CEP162: variants seen among roughly 807,000 people sequenced by gnomAD.
The protein encoded by CEP162 is centrosomal protein 162.
In CEP162, 141 loss-of-function variants were observed where a neutral mutation model predicts 169.2. The observed-to-expected ratio is 0.83, with a 90% CI of 0.73 to 0.96. The LOEUF (loss-of-function observed/expected upper bound fraction) is 0.96. Among genes scored for constraint, CEP162 ranks in the 40% least tolerant of loss-of-function variants. CEP162 has a pLI of 0.00. For missense variants in CEP162, 1,600 were observed against 1,587.2 expected, an observed-to-expected ratio of 1.01 and a Z score of -0.14; for synonymous variants, 540 against 526.4, an observed-to-expected ratio of 1.03 and a Z score of -0.35.
chr6:84,195,745 T>C (rs2099541880), intron 9 of CEP162, among the ~76,000 whole-genome samples: 2 of 152,358 alleles, frequency 1.3e-5, no homozygotes, highest in Non-Finnish European at 2.9e-5. Context: ...TTGCGGTCTA[T>C]AGTTCATTTC....
At chr6:84,150,765 GGACTTAAGAA>G (rs1422713380) in intron 23 of CEP162, among the ~76,000 whole-genome samples, 1 of 152,102 alleles carries the variant, frequency 6.6e-6, no homozygotes, top group African/African-American at 2.4e-5. Flanking sequence ...ATAATATTCA[GGACTTAAGAA>G]ACAAGCTTTC....
chr6:84,226,087 T>C (rs796749430), intron 2 of CEP162, among the ~76,000 whole-genome samples: 11 of 152,126 alleles, frequency 7.2e-5, no homozygotes, highest in African/African-American at 2.2e-4. Flanking sequence ...ATAGAGTCTT[T>C]TACTGGGGAG....
At chr6:84,131,184 C>T (rs545649443) in intron 25 of CEP162, among the ~76,000 whole-genome samples, 1 of 152,250 alleles carries the variant, frequency 6.6e-6, no homozygotes, top group African/African-American at 2.4e-5. Context: ...TTTTTTAATC[C>T]TGAGTTCCAA....
intron 23 of CEP162, among the ~76,000 whole-genome samples, chr6:84,151,204 C>T (rs1412439203): frequency 6.6e-6 from 1 of 151,792 alleles, no homozygotes; most frequent in Non-Finnish European, 1.5e-5. Flanking sequence ...TTGAGAGTCA[C>T]CGGAGAGCAG....
At chr6:84,189,454 G>A (rs1461804543) in intron 11 of CEP162, among the ~76,000 whole-genome samples, 3 of 152,224 alleles carry the variant, frequency 2.0e-5, no homozygotes, top group East Asian at 1.9e-4. Context: ...GGTGGGCCCC[G>A]CACTCGGAGC....
chr6:84,211,592 T>C (rs1376097603), intron 6 of CEP162, among the ~76,000 whole-genome samples: 1 of 144,658 alleles, frequency 6.9e-6, no homozygotes, highest in African/African-American at 2.6e-5. Flanking sequence ...AACCAGTAAC[T>C]TGAAGCAAAA....
At chr6:84,186,746 T>G in intron 11 of CEP162, 123 bp from the exon 12 acceptor site, 1 of 764,818 alleles carries the variant, frequency 1.3e-6, no homozygotes, top group Non-Finnish European at 2.0e-6. Context: ...CTATTCAAAT[T>G]AAGTTAATGA....
intron 21 of CEP162, among the ~76,000 whole-genome samples, chr6:84,160,110 T>C (rs2099525165): frequency 6.6e-6 from 1 of 152,198 alleles, no homozygotes; most frequent in Non-Finnish European, 1.5e-5. Flanking sequence ...GTACCATGAC[T>C]TGACTACAGA....
At chr6:84,203,226 T>C (rs2099545359) in intron 7 of CEP162, among the ~76,000 whole-genome samples, 1 of 152,160 alleles carries the variant, frequency 6.6e-6, no homozygotes, top group Non-Finnish European at 1.5e-5. Flanking sequence ...TGAATGTGAA[T>C]GGAATCATGT....
At chr6:84,155,241 G>A (rs118132450) in intron 22 of CEP162, 57 bp downstream of exon 22, 3 of 1,302,468 alleles carry the variant, frequency 2.3e-6, no homozygotes, top group South Asian at 1.2e-5. Context: ...ATCCTAAGAA[G>A]TGCCTGCCCC....
rs2099525490 is a variant in CEP162, at chr6:84,160,931, A to G, written c.2677-15T>C. On this transcript the variant is annotated splice_polypyrimidine_tract_variant and intron_variant, in intron 20 of 26. Coordinates refer to ENST00000403245, the MANE Select transcript of CEP162 (RefSeq NM_014895.4). ...AGTTTCTCAATCTGTCAATAAATAA[A>G]TAACATGTTAAGAAGCATATGTAAA... is the stretch of plus-strand genomic sequence containing the variant. 1.3e-6 allele frequency: 2 copies of G among 1,517,974 alleles called. No individual in the cohort carries two copies. The highest frequency in any genetic ancestry group is 1.8e-6 in the Non-Finnish European group (2 of 1,094,756). The allele number at this position is 1,517,974 out of a possible 1,614,324, so 94.0% of individuals were successfully genotyped here. A position where few individuals can be genotyped will look rare whatever the true frequency, so the allele number is the denominator to read the frequency against.
At chr6:84,131,333 G>A (rs989256315) in intron 25 of CEP162, among the ~76,000 whole-genome samples, 1 of 152,190 alleles carries the variant, frequency 6.6e-6, no homozygotes, top group Admixed American at 6.5e-5. Context: ...TTGATTTGGG[G>A]TGGAGAGTTC....
intron 21 of CEP162, among the ~76,000 whole-genome samples, chr6:84,159,182 T>C (rs2099524440): frequency 6.6e-6 from 1 of 151,584 alleles, no homozygotes; most frequent in Admixed American, 6.6e-5. Context: ...TCATGGAAAC[T>C]AAATAAATAC....
chr6:84,141,838 C>A (rs986685358), intron 25 of CEP162, among the ~76,000 whole-genome samples: 1 of 152,012 alleles, frequency 6.6e-6, no homozygotes, highest in Non-Finnish European at 1.5e-5. Flanking sequence ...ATATTTTGGG[C>A]CTCCATTACA....
intron 25 of CEP162, 111 bp from the exon 26 acceptor site, chr6:84,126,623 T>C (rs2099509036): frequency 1.4e-6 from 1 of 711,288 alleles, no homozygotes; most frequent in East Asian, 3.0e-5. Flanking sequence ...AAGAGGCACC[T>C]TGGATTGTTA....
At position 84,214,391 on chromosome 6, in the gene CEP162, G is replaced by A. The variant is rs543076024; in HGVS notation, c.503+891C>T. Among the ~76,000 whole-genome samples, 4 of 152,282 alleles carry A rather than the reference G, an allele frequency of 2.6e-5. No individual in the cohort carries two copies. The South Asian group carries it at 8.3e-4, about 32-fold the overall frequency. ...GACTTGCCCTCAGCATAATCATAGG[G>A]CATGGGGAACCAATGCGAACAAATG... On this transcript the variant is annotated intron_variant, in intron 5 of 26. Coordinates refer to ENST00000403245, the MANE Select transcript of CEP162 (RefSeq NM_014895.4).
At chr6:84,128,532 T>G (rs972926523) in intron 25 of CEP162, among the ~76,000 whole-genome samples, 3 of 152,144 alleles carry the variant, frequency 2.0e-5, no homozygotes, top group African/African-American at 7.2e-5. Context: ...CACTTCTATA[T>G]GGTGGTCGGT....
chr6:84,204,536 C>A (rs929368622), intron 6 of CEP162, among the ~76,000 whole-genome samples: 1 of 152,056 alleles, frequency 6.6e-6, no homozygotes, highest in Non-Finnish European at 1.5e-5. Flanking sequence ...CCAATGAGAA[C>A]AAAGACACAA....
At chr6:84,189,584 C>T (rs1461007764) in intron 11 of CEP162, among the ~76,000 whole-genome samples, 3 of 152,232 alleles carry the variant, frequency 2.0e-5, no homozygotes, top group Non-Finnish European at 4.4e-5. Flanking sequence ...CGATTTCTCG[C>T]CGGGCCTTAG....
Sources: gnomAD v4.1 joint callset for allele counts (sites outside exome capture counted in the v4.1 genomes callset) on GRCh38, gnomAD v4.1.1 for gene constraint, MANE v1.5 for transcripts, NCBI Gene and HGNC (gene_info 2026-07-23, HGNC 2026-07-21) for gene names.